Variants in RAB33A observed in about 807,000 individuals in gnomAD.
RAB33A encodes RAB33A, member RAS oncogene family, also known as ras-related protein Rab-33A.
In RAB33A, 6 loss-of-function variants were observed where a neutral mutation model predicts 12.0. That is an observed-to-expected ratio of 0.50 (90% CI 0.27 to 0.99). RAB33A has a LOEUF of 0.99. Among genes scored for constraint, RAB33A ranks in the 50% least tolerant of loss-of-function variants. The pLI, the probability that RAB33A is intolerant of heterozygous loss-of-function variation, is 0.11. For synonymous variants in RAB33A, 70 were observed against 82.4 expected, an observed-to-expected ratio of 0.85 and a Z score of 0.81; for missense variants, 109 against 192.0, an observed-to-expected ratio of 0.57 and a Z score of 2.55.
the RAB33A span, among the ~76,000 whole-genome samples, chrX:130,113,427 A>AT: frequency 4.0e-3 from 216 of 54,595 alleles, no homozygotes; most frequent in Non-Finnish European, 5.2e-3. Context: ...TTTAGTTTAG[A>AT]TTTTTTTTTT....
At position 130,172,840 on chromosome X, in the gene RAB33A, GT is replaced by G. The variant is rs778792526; in HGVS notation, c.258+522del. ...GCTTTATTTTAAATTGCAGTTTATAGTTAAAAAATTAGGGCTGAGTTGAGAT... is the reference window on the plus strand; with the variant it reads ...GCTTTATTTTAAATTGCAGTTTATAGTAAAAAATTAGGGCTGAGTTGAGAT... On this transcript the variant is annotated intron_variant, in intron 1 of 1. Transcript: ENST00000257017. Among the ~76,000 whole-genome samples, 27 of 112,547 alleles carry G rather than the reference GT, an allele frequency of 2.4e-4. No individual in the cohort carries two copies. In the South Asian group the frequency reaches 8.4e-3, roughly 35 times the overall value.
intron 1 of RAB33A, among the ~76,000 whole-genome samples, 158 bp downstream of exon 1, chrX:130,172,478 C>G (rs2031621886): frequency 8.9e-6 from 1 of 112,078 alleles, no homozygotes; most frequent in African/African-American, 3.2e-5. Context: ...CTTTTCACCT[C>G]TCTCAGCGGG....
At chrX:130,121,150 A>T in the RAB33A span, among the ~76,000 whole-genome samples, 1 of 111,559 alleles carries the variant, frequency 9.0e-6, no homozygotes, top group Admixed American at 9.4e-5. Context: ...GTGAAGTCAC[A>T]CTGGGCCGGA....
At chrX:130,173,947 T>C (rs2031637461) in intron 1 of RAB33A, among the ~76,000 whole-genome samples, 1 of 111,852 alleles carries the variant, frequency 8.9e-6, no homozygotes, top group Non-Finnish European at 1.9e-5. Flanking sequence ...AAGAGTTCCC[T>C]GGATTTAAAA....
At chrX:130,144,484 G>A in the RAB33A span, among the ~76,000 whole-genome samples, 16 of 111,398 alleles carry the variant, frequency 1.4e-4, no homozygotes, top group Admixed American at 4.8e-4. Context: ...TCTATTTCCT[G>A]GCACCAAACA....
At chrX:130,174,554 A>G (rs993058947) in intron 1 of RAB33A, among the ~76,000 whole-genome samples, 10 of 112,657 alleles carry the variant, frequency 8.9e-5, no homozygotes, top group Non-Finnish European at 1.5e-4. Flanking sequence ...CAAGGAATAC[A>G]TGCCAAAGCC....
At chrX:130,114,505 G>A in the RAB33A span, among the ~76,000 whole-genome samples, 2 of 112,367 alleles carry the variant, frequency 1.8e-5, no homozygotes, top group Non-Finnish European at 3.8e-5. Flanking sequence ...CTCTCCTGAC[G>A]ACAGCCACAC....
At chrX:130,116,008 A>T in the RAB33A span, among the ~76,000 whole-genome samples, 1 of 111,214 alleles carries the variant, frequency 9.0e-6, no homozygotes, top group Non-Finnish European at 1.9e-5. Flanking sequence ...TGTTTGTTCT[A>T]AAAAGCTTGT....
At chrX:130,163,999 C>CAA in the RAB33A span, among the ~76,000 whole-genome samples, 111 of 74,540 alleles carry the variant, frequency 1.5e-3, no homozygotes, top group African/African-American at 5.1e-3. Context: ...ACTAAAAATA[C>CAA]AAAAAAAAAA....
the RAB33A span, among the ~76,000 whole-genome samples, chrX:130,145,006 G>A: frequency 1.8e-5 from 2 of 111,769 alleles, no homozygotes; most frequent in African/African-American, 6.5e-5. Context: ...TCTAGTACCT[G>A]CCATTAACAA....
chrX:130,138,797 A>C, the RAB33A span: 2 of 592,257 alleles, frequency 3.4e-6, no homozygotes, highest in Non-Finnish European at 5.8e-6. Context: ...GGCAAAAGTA[A>C]ATTTTCTCCT....
the RAB33A span, chrX:130,131,849 C>T: frequency 1.9e-4 from 226 of 1,191,550 alleles, no homozygotes; most frequent in Non-Finnish European, 2.5e-4. Context: ...AGGAATGACA[C>T]GGTAGCACAT....
At chrX:130,148,972 A>G in the RAB33A span, among the ~76,000 whole-genome samples, 1 of 81,222 alleles carries the variant, frequency 1.2e-5, no homozygotes, top group Admixed American at 1.6e-4. Context: ...CCCAAGCTGG[A>G]GTGCAGCAGC....
At chrX:130,127,910 G>A in the RAB33A span, among the ~76,000 whole-genome samples, 3 of 110,358 alleles carry the variant, frequency 2.7e-5, no homozygotes, top group African/African-American at 6.6e-5. Context: ...GGATGGTCTC[G>A]AACTCCTGAC....
the RAB33A span, among the ~76,000 whole-genome samples, chrX:130,115,645 A>AAAAG: frequency 2.0e-5 from 2 of 100,390 alleles, no homozygotes; most frequent in Admixed American, 1.1e-4. Context: ...GAAACTGCCA[A>AAAAG]AAAGAAAGAA....
chrX:130,117,106 C>T, the RAB33A span, among the ~76,000 whole-genome samples: 13 of 111,720 alleles, frequency 1.2e-4, no homozygotes, highest in Admixed American at 5.7e-4. Context: ...CCCAGCTACG[C>T]GGGAGGCTGA....
the RAB33A span, among the ~76,000 whole-genome samples, chrX:130,138,267 AG>A: frequency 3.6e-5 from 4 of 110,709 alleles, no homozygotes; most frequent in Admixed American, 2.9e-4. Context: ...AGATCGAGAC[AG>A]TCCTGGCTAA....
chrX:130,153,105 G>A, the RAB33A span, among the ~76,000 whole-genome samples: 1 of 107,031 alleles, frequency 9.3e-6, no homozygotes, highest in East Asian at 2.9e-4. Context: ...GGCCGAGGCG[G>A]GTGGATCACC....
At chrX:130,114,046 A>G in the RAB33A span, among the ~76,000 whole-genome samples, 37 of 112,304 alleles carry the variant, frequency 3.3e-4, no homozygotes, top group African/African-American at 1.2e-3. Context: ...AGAAAGTATG[A>G]CAGGGCCAGG....
Sources: gnomAD v4.1 joint callset for allele counts (sites outside exome capture counted in the v4.1 genomes callset) on GRCh38, gnomAD v4.1.1 for gene constraint, MANE v1.5 for transcripts, NCBI Gene and HGNC (gene_info 2026-07-23, HGNC 2026-07-21) for gene names.